Variants in SORL1-AS1 observed in about 807,000 individuals in gnomAD.
SORL1-AS1 encodes the protein SORL1 antisense RNA 1, also known as lncRNA 51 A.
chr11:121,452,590 C>T lies in SORL1-AS1; in HGVS notation n.339+85G>A, dbSNP rs566692916. On this transcript the variant is annotated intron_variant and non_coding_transcript_variant, in intron 1 of 1. Transcript: ENST00000501964. The surrounding 1 kb of genome is among the most constrained non-coding windows in gnomAD (Gnocchi z 5.3). Reference sequence around the variant, plus strand: ...GAGGAAACGGAGCGCTGCCCTGCAGCCCGAGCCCATCAAGGTGTACGGACA... The same window carrying T: ...GAGGAAACGGAGCGCTGCCCTGCAGTCCGAGCCCATCAAGGTGTACGGACA... 4.6e-6 allele frequency: 7 copies of T among 1,521,720 alleles called. No individual in the cohort carries two copies. Among genetic ancestry groups the T allele is most frequent in the Non-Finnish European group, 5.3e-6 (6 of 1,142,298 alleles). 94.3% of individuals were successfully genotyped at this position (1,521,720 alleles called of 1,614,324 possible).
At chr11:121,441,428 G>A in the SORL1-AS1 span, among the ~76,000 whole-genome samples, 4 of 150,968 alleles carry the variant, frequency 2.6e-5, no homozygotes, top group Admixed American at 1.3e-4. Context: ...CTACTCGGGA[G>A]GCTGAGGCAG....
the SORL1-AS1 span, among the ~76,000 whole-genome samples, chr11:121,441,008 C>G: frequency 6.6e-6 from 1 of 152,170 alleles, no homozygotes; most frequent in Non-Finnish European, 1.5e-5. Flanking sequence ...TCTGCCCCTA[C>G]TGGTTGCAGA....
At chr11:121,439,676 C>T in the SORL1-AS1 span, among the ~76,000 whole-genome samples, 11 of 152,200 alleles carry the variant, frequency 7.2e-5, no homozygotes, top group African/African-American at 2.6e-4. Flanking sequence ...GAGTTCAGAT[C>T]CAATCCTGGC....
chr11:121,443,347 G>T (rs1860686189), downstream of SORL1-AS1, among the ~76,000 whole-genome samples: 1 of 152,166 alleles, frequency 6.6e-6, no homozygotes, highest in African/African-American at 2.4e-5. Flanking sequence ...AACAAACACA[G>T]TAAAATCTGG....
At chr11:121,441,852 A>G in the SORL1-AS1 span, among the ~76,000 whole-genome samples, 1 of 152,156 alleles carries the variant, frequency 6.6e-6, no homozygotes, top group East Asian at 1.9e-4. Flanking sequence ...GTAAGCCACC[A>G]TTATTTTGGG....
downstream of SORL1-AS1, among the ~76,000 whole-genome samples, chr11:121,445,768 TC>T (rs1217690991): frequency 6.6e-6 from 1 of 151,930 alleles, no homozygotes; most frequent in Non-Finnish European, 1.5e-5. Flanking sequence ...TCATCTTTTT[TC>T]CCCCCAAGAC....
At chr11:121,451,466 C>T (rs978826927) in intron 1 of SORL1-AS1, among the ~76,000 whole-genome samples, 1 of 152,286 alleles carries the variant, frequency 6.6e-6, no homozygotes, top group African/African-American at 2.4e-5. Flanking sequence ...TGCTTGGTCA[C>T]CTTGGAGGGA....
Position 121,452,446 on chromosome 11 carries a change from A to G in SORL1-AS1, n.339+229T>C, listed in dbSNP as rs771624504. 2.7e-6 allele frequency: 4 copies of G among 1,498,448 alleles called. No homozygotes were observed. 92.8% of individuals were successfully genotyped at this position (1,498,448 alleles called of 1,614,324 possible). On this transcript the variant is annotated intron_variant and non_coding_transcript_variant, in intron 1 of 1. Coordinates refer to ENST00000501964, the Ensembl canonical transcript of SORL1-AS1. This position sits in a 1 kb window ranked among gnomAD's most constrained non-coding sequence, Gnocchi z 5.3. ...CTGGACGCAGAGGCTGCACGGCGGC[A>G]GCGCGCCCTTGCCCCAGGACCGGGG...
chr11:121,442,452 T>A (rs899805059), downstream of SORL1-AS1, among the ~76,000 whole-genome samples: 5 of 151,840 alleles, frequency 3.3e-5, no homozygotes, highest in Non-Finnish European at 5.9e-5. Flanking sequence ...CTGGGCAACA[T>A]GGTGAAACCC....
chr11:121,439,487 G>C, the SORL1-AS1 span, among the ~76,000 whole-genome samples: 110 of 152,030 alleles, frequency 7.2e-4, no homozygotes, highest in East Asian at 0.012. Flanking sequence ...CTTTGGCACC[G>C]TGGAGAAAAT....
rs552783211 is a variant in SORL1-AS1, at chr11:121,450,528, C to T, written n.340-629G>A. On this transcript the variant is annotated intron_variant and non_coding_transcript_variant, in intron 1 of 1. Coordinates refer to ENST00000501964, the Ensembl canonical transcript of SORL1-AS1. This position sits in a 1 kb window ranked among gnomAD's most constrained non-coding sequence, Gnocchi z 5.2. Reference sequence around the variant, plus strand: ...GCTGAATTGCACAATATGAGCAAGGCGTTCCTCTCAGCTTCAAAACCAGCT... The same window carrying T: ...GCTGAATTGCACAATATGAGCAAGGTGTTCCTCTCAGCTTCAAAACCAGCT... Among the ~76,000 whole-genome samples the T allele has an allele frequency of 3.9e-4, 59 of 152,108 alleles. No individual in the cohort carries two copies. The highest frequency in any genetic ancestry group is 1.3e-3 in the African/African-American group (55 of 41,492).
At chr11:121,447,357 G>C (rs1261911624) in exon 2 of SORL1-AS1, 1 of 149,006 alleles carries the variant, frequency 6.7e-6, no homozygotes, top group African/African-American at 2.5e-5. Context: ...CTGTCACCCA[G>C]GCTGGAGTGC....
At chr11:121,445,821 T>A (rs1432251297), downstream of SORL1-AS1, among the ~76,000 whole-genome samples, 1 of 152,162 alleles carries the variant, frequency 6.6e-6, no homozygotes, top group Non-Finnish European at 1.5e-5. Flanking sequence ...AGTTTCATGT[T>A]TATCTTTCTT....
chr11:121,443,392 C>T (rs1199678948), downstream of SORL1-AS1, among the ~76,000 whole-genome samples: 1 of 152,194 alleles, frequency 6.6e-6, no homozygotes, highest in Non-Finnish European at 1.5e-5. Context: ...TAAATTCTCA[C>T]AATGCCATGT....
chr11:121,444,500 G>A (rs1051175349), downstream of SORL1-AS1, among the ~76,000 whole-genome samples: 14 of 152,232 alleles, frequency 9.2e-5, no homozygotes, highest in Admixed American at 9.2e-4. Context: ...AAACCCAGGT[G>A]AGTGGGCTTC....
At position 121,450,745 on chromosome 11, in the gene SORL1-AS1, G is replaced by C. The variant is rs920181190; in HGVS notation, n.340-846C>G. Among the ~76,000 whole-genome samples, 3 of 152,162 alleles carry C rather than the reference G, an allele frequency of 2.0e-5. No homozygotes were observed. Among genetic ancestry groups the C allele is most frequent in the Non-Finnish European group, 2.9e-5 (2 of 68,036 alleles). ...ATGATTTGCTTGGTGGGGAGAACTG[G>C]ATGGTTCTGTAATTATGTTGAGATG... On this transcript the variant is annotated intron_variant and non_coding_transcript_variant, in intron 1 of 1. Transcript: ENST00000501964. The surrounding 1 kb of genome is among the most constrained non-coding windows in gnomAD (Gnocchi z 5.2).
exon 2 of SORL1-AS1, chr11:121,449,814 C>T (rs1480425344): frequency 6.6e-6 from 1 of 152,210 alleles, no homozygotes; most frequent in East Asian, 1.9e-4. Context: ...AGAAAGTCAA[C>T]CTTCTGACTC....
Position 121,452,530 on chromosome 11 carries a change from A to AG in SORL1-AS1, n.339+144dup, listed in dbSNP as rs907598823. On this transcript the variant is annotated intron_variant and non_coding_transcript_variant, in intron 1 of 1. Coordinates refer to ENST00000501964, the Ensembl canonical transcript of SORL1-AS1. This position sits in a 1 kb window ranked among gnomAD's most constrained non-coding sequence, Gnocchi z 5.3. ...GCGGCTGTGGGCGCGCGGGGATGCCAGGGGGGCGAGCCGCGCGGACGAGAA... is the reference window on the plus strand; with the variant it reads ...GCGGCTGTGGGCGCGCGGGGATGCCAGGGGGGGCGAGCCGCGCGGACGAGAA... 3.4e-6 allele frequency: 5 copies of AG among 1,483,856 alleles called. No individual in the cohort carries two copies. The highest frequency in any genetic ancestry group is 2.8e-5 in the East Asian group (1 of 35,834). The allele number at this position is 1,483,856 out of a possible 1,614,324, so 91.9% of individuals were successfully genotyped here.
At chr11:121,440,353 G>A in the SORL1-AS1 span, among the ~76,000 whole-genome samples, 20 of 152,294 alleles carry the variant, frequency 1.3e-4, no homozygotes, top group South Asian at 2.1e-3. Flanking sequence ...CAGCCTGGGC[G>A]ATAGAGTGAG....
Sources: allele counts gnomAD v4.1 joint callset (sites outside exome capture counted in the v4.1 genomes callset), GRCh38; gene constraint gnomAD v4.1.1; non-coding constraint Gnocchi (gnomAD v3.1); transcripts MANE v1.5; gene names NCBI Gene and HGNC (gene_info 2026-07-23, HGNC 2026-07-21).